DCDC2: variants seen among roughly 807,000 people sequenced by gnomAD.
DCDC2 encodes doublecortin domain containing 2.
DCDC2 carries 40 observed loss-of-function variants against 50.2 expected under a neutral mutation model. That is an observed-to-expected ratio of 0.80 (90% CI 0.62 to 1.04). The LOEUF (loss-of-function observed/expected upper bound fraction) is 1.04. Ranked by LOEUF, DCDC2 falls within the 50% of genes least tolerant of loss-of-function variation. The probability of loss-of-function intolerance (pLI) is 0.00; values close to 1 mark genes in which losing one functional copy is unlikely to be tolerated. For missense variants in DCDC2, 570 were observed against 581.9 expected (o/e 0.98, Z 0.21); for synonymous variants, 234 against 210.6 (o/e 1.11, Z -0.96).
In DCDC2 at chr6:24,281,420, C is replaced by T. The variant is rs192240824; in HGVS notation, c.760-3209G>A. 3.2e-3 allele frequency among the ~76,000 whole-genome samples: 469 copies of T among 145,238 alleles called. 2 individuals carry two copies. Among genetic ancestry groups the T allele is most frequent in the African/African-American group, 0.011 (441 of 38,886 alleles). ...AAATTCCTGGACTCAAGCAATCCTC[C>T]TACCTCAGCCTCCTCAATAGCTGGG... On this transcript the variant is annotated intron_variant, in intron 6 of 9. Coordinates refer to ENST00000378454, the MANE Select transcript of DCDC2 (RefSeq NM_016356.5).
At chr6:24,303,123 G>A (rs1759412397) in intron 2 of DCDC2, among the ~76,000 whole-genome samples, 1 of 151,708 alleles carries the variant, frequency 6.6e-6, no homozygotes, top group Non-Finnish European at 1.5e-5. Context: ...ATCTCTACCT[G>A]GTGCCTTTAA....
intron 2 of DCDC2, among the ~76,000 whole-genome samples, chr6:24,350,349 C>A (rs1292666596): frequency 6.6e-6 from 1 of 152,188 alleles, no homozygotes; most frequent in Non-Finnish European, 1.5e-5. Flanking sequence ...GAATAACTCC[C>A]AGCACTCACT....
chr6:24,324,978 G>T (rs540614207), intron 2 of DCDC2, among the ~76,000 whole-genome samples: 6 of 151,822 alleles, frequency 4.0e-5, no homozygotes, highest in Middle Eastern at 3.4e-3. Flanking sequence ...CTACATCAAA[G>T]ACAGCACAAG....
chr6:24,380,331 T>C, the DCDC2 span, among the ~76,000 whole-genome samples: 1 of 152,174 alleles, frequency 6.6e-6, no homozygotes, highest in Admixed American at 6.5e-5. Flanking sequence ...TTTTGCATAT[T>C]GTTTGTTCTA....
At chr6:24,240,304 GGAA>G (rs568054478) in intron 7 of DCDC2, among the ~76,000 whole-genome samples, 40 of 152,300 alleles carry the variant, frequency 2.6e-4, no homozygotes, top group Middle Eastern at 3.4e-3. Context: ...GCATCAGAAA[GGAA>G]GAAGAGGCTG....
chr6:24,305,796 G>GGT (rs1554117954), intron 2 of DCDC2, among the ~76,000 whole-genome samples: 2 of 152,038 alleles, frequency 1.3e-5, no homozygotes, highest in Admixed American at 6.6e-5. Flanking sequence ...GGAGGCCAAG[G>GGT]GGGGGTGGAT....
intron 2 of DCDC2, among the ~76,000 whole-genome samples, chr6:24,307,802 G>C (rs1759500321): frequency 6.6e-6 from 1 of 151,584 alleles, no homozygotes; most frequent in African/African-American, 2.4e-5. Context: ...ATGGGAGAAA[G>C]ACTGGCTAAG....
At chr6:24,210,066 G>A (rs1246440776) in intron 7 of DCDC2, among the ~76,000 whole-genome samples, 2 of 150,862 alleles carry the variant, frequency 1.3e-5, no homozygotes, top group Non-Finnish European at 2.9e-5. Flanking sequence ...CTGTCTGTCT[G>A]TCTGTCTGCC....
chr6:24,353,242 A>G, intron 2 of DCDC2: 1 of 473,836 alleles, frequency 2.1e-6, no homozygotes, highest in Non-Finnish European at 4.3e-6. Flanking sequence ...AGCTTTGGTA[A>G]AGATTTATTT....
In DCDC2 at chr6:24,171,898, A is replaced by G. The variant is rs1469934716; in HGVS notation, c.*2832T>C. 1 of 152,276 alleles carries G rather than the reference A, an allele frequency of 6.6e-6. No individual in the cohort carries two copies. The highest frequency in any genetic ancestry group is 1.5e-5 in the Non-Finnish European group (1 of 68,046). 9.4% of individuals were successfully genotyped at this position (152,276 alleles called of 1,614,324 possible). A position where few individuals can be genotyped will look rare whatever the true frequency, so the allele number is the denominator to read the frequency against. On this transcript the variant is annotated 3_prime_UTR_variant, in exon 10 of 10. Transcript: ENST00000378454. ...ATAAAACTATAAAAACTATGTATATAGCATCACAAAGAATTAACATATTAA... is the reference window on the plus strand; with the variant it reads ...ATAAAACTATAAAAACTATGTATATGGCATCACAAAGAATTAACATATTAA...
At chr6:24,208,334 CAG>C (rs1422336307) in intron 7 of DCDC2, among the ~76,000 whole-genome samples, 2 of 150,066 alleles carry the variant, frequency 1.3e-5, no homozygotes, top group Non-Finnish European at 1.5e-5. Context: ...CACAACAAAA[CAG>C]AACCAACAGC....
intron 7 of DCDC2, among the ~76,000 whole-genome samples, chr6:24,265,228 A>G (rs572163435): frequency 1.3e-5 from 2 of 152,342 alleles, no homozygotes; most frequent in South Asian, 4.1e-4. Context: ...GGATGTAAGA[A>G]TTGAAAATAC....
At chr6:24,194,194 G>A (rs1357512101) in intron 8 of DCDC2, among the ~76,000 whole-genome samples, 1 of 151,938 alleles carries the variant, frequency 6.6e-6, no homozygotes, top group Non-Finnish European at 1.5e-5. Flanking sequence ...TGTGGCAAAT[G>A]GCTGCTATTT....
At chr6:24,353,697 T>A in intron 1 of DCDC2, 74 bp from the exon 2 acceptor site, 1 of 968,060 alleles carries the variant, frequency 1.0e-6, no homozygotes, top group Middle Eastern at 2.7e-4. Context: ...TTAAAAATCA[T>A]AAAAAAATAA....
chr6:24,197,176 G>A (rs1761462924), intron 8 of DCDC2, among the ~76,000 whole-genome samples: 1 of 152,098 alleles, frequency 6.6e-6, no homozygotes, highest in South Asian at 2.1e-4. Flanking sequence ...CCTGCATTTT[G>A]ATAAGCTAGC....
chr6:24,301,370 CAAAAAAA>C (rs59055669), intron 4 of DCDC2, among the ~76,000 whole-genome samples: 2 of 64,110 alleles, frequency 3.1e-5, no homozygotes, highest in Admixed American at 2.3e-4. Flanking sequence ...GGCTCCATCT[CAAAAAAA>C]AAAAAAAAAA....
intron 7 of DCDC2, among the ~76,000 whole-genome samples, chr6:24,224,725 C>A (rs973228722): frequency 2.6e-5 from 4 of 152,172 alleles, no homozygotes; most frequent in Non-Finnish European, 4.4e-5. Flanking sequence ...CCCACCCTGG[C>A]CTCCCAGTCT....
intron 2 of DCDC2, among the ~76,000 whole-genome samples, chr6:24,321,416 G>T (rs967585703): frequency 6.6e-6 from 1 of 152,126 alleles, no homozygotes; most frequent in Non-Finnish European, 1.5e-5. Context: ...AGACATCACC[G>T]TAACCAACTG....
intron 2 of DCDC2, among the ~76,000 whole-genome samples, chr6:24,327,453 C>CTTATTTATTTAT (rs58552034): frequency 0.18 from 24,423 of 136,344 alleles, 3,144 homozygotes; most frequent in African/African-American, 0.21. Context: ...ACATTATAAA[C>CTTATTTATTTAT]TTATTTATTT....
Sources: gnomAD v4.1 joint callset for allele counts (sites outside exome capture counted in the v4.1 genomes callset) on GRCh38, gnomAD v4.1.1 for gene constraint, MANE v1.5 for transcripts, NCBI Gene and HGNC (gene_info 2026-07-23, HGNC 2026-07-21) for gene names.